The following CCSER1 variants were observed in gnomAD, a reference collection of about 807,000 sequenced individuals.
CCSER1 encodes the protein coiled-coil serine rich protein 1.
A neutral mutation model predicts 82.0 loss-of-function variants in CCSER1; 41 were observed. That is an observed-to-expected ratio of 0.50 (90% CI 0.39 to 0.65). The LOEUF (loss-of-function observed/expected upper bound fraction) is 0.65, where lower values mean the gene tolerates loss of function less well. CCSER1 is among the 30% of genes least tolerant of loss of function. The probability of loss-of-function intolerance (pLI) is 0.00; values close to 1 mark genes in which losing one functional copy is unlikely to be tolerated. For missense variants in CCSER1, 1,119 were observed against 1,064.2 expected, an observed-to-expected ratio of 1.05 and a Z score of -0.72; for synonymous variants, 414 against 383.9, an observed-to-expected ratio of 1.08 and a Z score of -0.92.
At chr4:91,208,935 A>T (rs2149080939) in intron 10 of CCSER1, among the ~76,000 whole-genome samples, 1 of 151,374 alleles carries the variant, frequency 6.6e-6, no homozygotes, top group African/African-American at 2.4e-5. Flanking sequence ...TCCCCTTCCT[A>T]GTTTGCTGTA....
chr4:91,078,835 T>A (rs1242665717), intron 9 of CCSER1, among the ~76,000 whole-genome samples: 1 of 152,200 alleles, frequency 6.6e-6, no homozygotes, highest in South Asian at 2.1e-4. Context: ...GTATCAGTGA[T>A]TGAAGATCAA....
At chr4:90,460,613 C>G (rs1010331702) in intron 4 of CCSER1, among the ~76,000 whole-genome samples, 2 of 152,030 alleles carry the variant, frequency 1.3e-5, no homozygotes, top group Admixed American at 6.6e-5. Context: ...AGGATATTGA[C>G]AGTTTTACGC....
At chr4:90,825,731 CTTTTTT>C (rs747896341) in intron 8 of CCSER1, among the ~76,000 whole-genome samples, 4 of 124,292 alleles carry the variant, frequency 3.2e-5, no homozygotes, top group African/African-American at 8.6e-5. Context: ...TTTGTTGTTG[CTTTTTT>C]TTTTTTTTTT....
At chr4:90,297,452 G>C (rs1206583108) in intron 1 of CCSER1, among the ~76,000 whole-genome samples, 2 of 151,958 alleles carry the variant, frequency 1.3e-5, no homozygotes, top group Non-Finnish European at 2.9e-5. Flanking sequence ...GGGACAGTTT[G>C]ACTTCCTCTT....
intron 7 of CCSER1, among the ~76,000 whole-genome samples, chr4:90,728,236 C>G (rs1744038993): frequency 1.3e-5 from 2 of 152,144 alleles, no homozygotes; most frequent in South Asian, 4.1e-4. Context: ...TTTCCTAGGT[C>G]TCTTCTTCTT....
Position 91,132,716 on chromosome 4 carries a change from A to G in CCSER1, c.2217+46722A>G, listed in dbSNP as rs72669226. 4.3e-3 allele frequency among the ~76,000 whole-genome samples: 651 copies of G among 152,330 alleles called. 1 individual carries two copies. The highest frequency in any genetic ancestry group is 0.017 in the Middle Eastern group (5 of 292). On this transcript the variant is annotated intron_variant, in intron 10 of 10. Transcript: ENST00000509176. Reference sequence around the variant, plus strand: ...GGATGCTTATTTTAAAACAGCATCTAAACATTTATGAAGTATTAGAAAAGT... The same window carrying G: ...GGATGCTTATTTTAAAACAGCATCTGAACATTTATGAAGTATTAGAAAAGT...
intron 6 of CCSER1, among the ~76,000 whole-genome samples, chr4:90,671,287 G>C (rs1223447821): frequency 1.3e-5 from 2 of 152,022 alleles, no homozygotes; most frequent in Non-Finnish European, 2.9e-5. Flanking sequence ...ACGTGATGCT[G>C]TTTGGTAGCA....
At chr4:90,230,894 C>A (rs1330697244) in intron 1 of CCSER1, among the ~76,000 whole-genome samples, 6 of 152,168 alleles carry the variant, frequency 3.9e-5, no homozygotes, top group South Asian at 2.1e-4. Context: ...AATTCCTTGA[C>A]ACATACACTC....
intron 10 of CCSER1, among the ~76,000 whole-genome samples, chr4:91,312,711 T>G (rs1253318467): frequency 6.6e-6 from 1 of 151,934 alleles, no homozygotes; most frequent in African/African-American, 2.4e-5. Flanking sequence ...AATTTTTCAT[T>G]GTAAGTCGAA....
chr4:91,505,762 G>A (rs964269394), intron 10 of CCSER1, among the ~76,000 whole-genome samples: 1 of 152,074 alleles, frequency 6.6e-6, no homozygotes, highest in African/African-American at 2.4e-5. Context: ...GTCTCTTCAT[G>A]TCCTTTGCTC....
rs146260037 is a variant in CCSER1, at chr4:90,867,774, A to G, written c.2094+51929A>G. Among the ~76,000 whole-genome samples the G allele has an allele frequency of 7.3e-4, 111 of 152,128 alleles. 2 individuals carry two copies. The East Asian group carries it at 0.021, about 29-fold the overall frequency. On this transcript the variant is annotated intron_variant, in intron 8 of 10. Transcript: ENST00000509176. Reference sequence around the variant, plus strand: ...TTAATTATCTTAATTTTTGGCTCCCACAAATGAATGAGAACATGCAAAATT... The same window carrying G: ...TTAATTATCTTAATTTTTGGCTCCCGCAAATGAATGAGAACATGCAAAATT...
chr4:90,834,034 A>G (rs1200357620), intron 8 of CCSER1, among the ~76,000 whole-genome samples: 1 of 152,218 alleles, frequency 6.6e-6, no homozygotes, highest in East Asian at 1.9e-4. Context: ...ACCGTGAGCT[A>G]CATAAACTTC....
intron 4 of CCSER1, among the ~76,000 whole-genome samples, chr4:90,410,618 A>G (rs1452426862): frequency 6.6e-6 from 1 of 152,200 alleles, no homozygotes; most frequent in Non-Finnish European, 1.5e-5. Context: ...TCTCTGGGAC[A>G]CATTCAAAGC....
chr4:91,429,823 C>T (rs904381465), intron 10 of CCSER1, among the ~76,000 whole-genome samples: 3 of 151,636 alleles, frequency 2.0e-5, no homozygotes, highest in Non-Finnish European at 4.4e-5. Flanking sequence ...ATCTCAGTTA[C>T]GTGTTTTTTT....
chr4:90,413,903 T>A (rs765345716), intron 4 of CCSER1, among the ~76,000 whole-genome samples: 23 of 123,232 alleles, frequency 1.9e-4, no homozygotes, highest in Admixed American at 1.7e-3. Flanking sequence ...GAGCCAAGAT[T>A]GCGCCACTGC....
At chr4:90,985,654 C>A (rs1310062554) in intron 9 of CCSER1, among the ~76,000 whole-genome samples, 1 of 151,608 alleles carries the variant, frequency 6.6e-6, no homozygotes, top group Non-Finnish European at 1.5e-5. Flanking sequence ...GTAATACATA[C>A]ATTTTCTTTT....
At chr4:90,478,561 A>G (rs969171620) in intron 5 of CCSER1, among the ~76,000 whole-genome samples, 1 of 152,184 alleles carries the variant, frequency 6.6e-6, no homozygotes, top group Non-Finnish European at 1.5e-5. Context: ...AATATTAGGC[A>G]CCATACTGTA....
intron 5 of CCSER1, among the ~76,000 whole-genome samples, chr4:90,486,628 G>A (rs1767098331): frequency 6.6e-6 from 1 of 152,108 alleles, no homozygotes; most frequent in South Asian, 2.1e-4. Flanking sequence ...TCTTCAGGTG[G>A]GTATCTGAGT....
At chr4:90,276,246 C>G (rs1038525227) in intron 1 of CCSER1, among the ~76,000 whole-genome samples, 5 of 112,410 alleles carry the variant, frequency 4.4e-5, no homozygotes, top group African/African-American at 1.8e-4. Context: ...TTCTTTCTTT[C>G]TTTCTTTCCT....
Sources: allele counts gnomAD v4.1 joint callset (sites outside exome capture counted in the v4.1 genomes callset), GRCh38; gene constraint gnomAD v4.1.1; transcripts MANE v1.5; gene names NCBI Gene and HGNC (gene_info 2026-07-23, HGNC 2026-07-21).